The following MYO3B variants were observed in gnomAD, a reference collection of about 807,000 sequenced individuals.
The protein encoded by MYO3B is myosin IIIB.
In MYO3B, 156 loss-of-function variants were observed where a neutral mutation model predicts 174.6. The observed-to-expected ratio is 0.89, with a 90% confidence interval of 0.78 to 1.02. MYO3B has a LOEUF of 1.02. MYO3B is among the 50% of genes least tolerant of loss of function. The probability of loss-of-function intolerance (pLI) is 0.00; values close to 1 mark genes in which losing one functional copy is unlikely to be tolerated. For synonymous variants in MYO3B, 563 were observed against 569.1 expected, an observed-to-expected ratio of 0.99 and a Z score of 0.15; for missense variants, 1,632 against 1,639.4, an observed-to-expected ratio of 1.00 and a Z score of 0.08.
intron 6 of MYO3B, among the ~76,000 whole-genome samples, chr2:170,234,074 G>A (rs1017236116): frequency 1.3e-5 from 2 of 149,152 alleles, no homozygotes; most frequent in African/African-American, 2.5e-5. Flanking sequence ...GGGAGGCTGA[G>A]GCAGGAGAAT....
chr2:170,239,355 C>T (rs755224303), intron 7 of MYO3B, among the ~76,000 whole-genome samples: 19 of 152,296 alleles, frequency 1.2e-4, no homozygotes, highest in South Asian at 1.0e-3. Flanking sequence ...AAGCAGGTAT[C>T]TTTCCTTAGC....
chr2:170,368,022 G>C (rs1388166300), intron 8 of MYO3B, among the ~76,000 whole-genome samples: 3 of 152,190 alleles, frequency 2.0e-5, no homozygotes, highest in Non-Finnish European at 4.4e-5. Flanking sequence ...TATCTTTTCA[G>C]GACTAGAAGG....
intron 22 of MYO3B, among the ~76,000 whole-genome samples, chr2:170,442,854 A>G (rs2094812218): frequency 6.6e-6 from 1 of 152,202 alleles, no homozygotes; most frequent in Non-Finnish European, 1.5e-5. Flanking sequence ...ATGGCTGCAT[A>G]GTATTCCACG....
At chr2:170,618,817 A>C (rs983886883) in intron 32 of MYO3B, among the ~76,000 whole-genome samples, 1 of 151,584 alleles carries the variant, frequency 6.6e-6, no homozygotes, top group Non-Finnish European at 1.5e-5. Flanking sequence ...TTGTATGTAG[A>C]AGTACAGTAC....
intron 25 of MYO3B, among the ~76,000 whole-genome samples, chr2:170,496,642 A>G (rs1686867858): frequency 6.7e-6 from 1 of 148,790 alleles, no homozygotes. Flanking sequence ...ATTTTTATAT[A>G]TATGTATATT....
chr2:170,192,573 T>G (rs1404287054), intron 1 of MYO3B, among the ~76,000 whole-genome samples: 2 of 151,384 alleles, frequency 1.3e-5, no homozygotes, highest in African/African-American at 4.8e-5. Context: ...ATTTCTGCTT[T>G]TATTTTTTCT....
intron 1 of MYO3B, chr2:170,180,153 A>G: frequency 6.7e-6 from 3 of 444,654 alleles, no homozygotes; most frequent in South Asian, 3.2e-5. Context: ...CACAGGGTGC[A>G]TGCTGCAGAG....
intron 25 of MYO3B, among the ~76,000 whole-genome samples, chr2:170,474,779 A>G (rs1685218563): frequency 7.3e-6 from 1 of 137,406 alleles, no homozygotes; most frequent in African/African-American, 2.8e-5. Flanking sequence ...AAAAAAAAAA[A>G]AAAAAGATAG....
intron 22 of MYO3B, among the ~76,000 whole-genome samples, chr2:170,413,645 G>A (rs1050790131): frequency 1.3e-5 from 2 of 152,026 alleles, no homozygotes; most frequent in Non-Finnish European, 2.9e-5. Flanking sequence ...TTTAGATTTA[G>A]GATCCAGTTT....
rs2092354890 is a variant in MYO3B, at chr2:170,178,175, T to A, written c.-113T>A. On this transcript the variant is annotated 5_prime_UTR_variant, in exon 1 of 35. It introduces an in-frame stop codon into an upstream open reading frame of the 5' UTR. Transcript: ENST00000408978. Reference sequence around the variant, plus strand: ...TCGAAAGTCCTTTGGTAATGATGTGTCATACATTCTAGTCATCAAAGACAC... The same window carrying A: ...TCGAAAGTCCTTTGGTAATGATGTGACATACATTCTAGTCATCAAAGACAC... 4.7e-6 allele frequency: 6 copies of A among 1,286,556 alleles called. No homozygotes were observed. The Admixed American group carries it at 1.0e-4, about 22-fold the overall frequency. 79.7% of individuals were successfully genotyped at this position (1,286,556 alleles called of 1,614,324 possible). A position where few individuals can be genotyped will look rare whatever the true frequency, so the allele number is the denominator to read the frequency against.
intron 3 of MYO3B, among the ~76,000 whole-genome samples, chr2:170,207,640 C>T (rs1241611178): frequency 6.6e-6 from 1 of 150,578 alleles, no homozygotes; most frequent in Admixed American, 6.6e-5. Flanking sequence ...GAGACAATTA[C>T]CTATCAGTGA....
chr2:170,318,671 C>A (rs1305811855), intron 7 of MYO3B, among the ~76,000 whole-genome samples: 1 of 152,124 alleles, frequency 6.6e-6, no homozygotes. Context: ...AAGAGCAGAG[C>A]AGGAGGTACC....
chr2:170,593,575 C>T (rs932569832), intron 32 of MYO3B, among the ~76,000 whole-genome samples: 3 of 152,248 alleles, frequency 2.0e-5, no homozygotes, highest in African/African-American at 7.2e-5. Context: ...TCAGCTAACA[C>T]TGGCTCTCTC....
rs749465676 is a variant in MYO3B at position 170,369,219 on chromosome 2, CA to C, written c.816-2del. 6 of 1,611,122 alleles carry C rather than the reference CA, an allele frequency of 3.7e-6. No homozygotes were observed. The highest frequency in any genetic ancestry group is 5.1e-6 in the Non-Finnish European group (6 of 1,178,014). On this transcript the variant is annotated splice_acceptor_variant, in intron 8 of 34. Transcript: ENST00000408978. LOFTEE classifies it high-confidence loss of function. ...TGGATTGTTTGTTGGTTTTTGCAAA[CA>C]GGTGTCTTATTAAGGATTTTGAAAG...
chr2:170,449,520 G>A (rs961577174), intron 23 of MYO3B, among the ~76,000 whole-genome samples: 1 of 152,152 alleles, frequency 6.6e-6, no homozygotes, highest in African/African-American at 2.4e-5. Context: ...GCTCATGCCT[G>A]TAATCCCAGC....
At chr2:170,445,701 C>A (rs1287992055) in intron 23 of MYO3B, among the ~76,000 whole-genome samples, 1 of 152,062 alleles carries the variant, frequency 6.6e-6, no homozygotes, top group South Asian at 2.1e-4. Flanking sequence ...GTGGCATGAT[C>A]ATATCTCACT....
At chr2:170,484,537 TA>T (rs1685901870) in intron 25 of MYO3B, among the ~76,000 whole-genome samples, 1 of 152,208 alleles carries the variant, frequency 6.6e-6, no homozygotes, top group Admixed American at 6.5e-5. Flanking sequence ...ATTTAAAGTT[TA>T]TGAGGAGGCA....
At chr2:170,237,433 A>G (rs1172023209) in intron 7 of MYO3B, among the ~76,000 whole-genome samples, 2 of 149,268 alleles carry the variant, frequency 1.3e-5, no homozygotes, top group Non-Finnish European at 2.9e-5. Flanking sequence ...GAGATCATCT[A>G]TATTTTTTTC....
chr2:170,499,935 C>CTTCCTTCCTTCCTTCT (rs1202746123), intron 27 of MYO3B, 127 bp downstream of exon 27: 247 of 659,116 alleles, frequency 3.7e-4, no homozygotes, highest in Non-Finnish European at 4.6e-4. Context: ...CCCTCCCTCC[C>CTTCCTTCCTTCCTTCT]TTCCTTCCTT....
Sources: gnomAD v4.1 joint callset for allele counts (sites outside exome capture counted in the v4.1 genomes callset) on GRCh38, gnomAD v4.1.1 for gene constraint, MANE v1.5 for transcripts, NCBI Gene and HGNC (gene_info 2026-07-23, HGNC 2026-07-21) for gene names.